The following CNTN4 variants were observed in gnomAD, a reference collection of about 807,000 sequenced individuals.
The protein encoded by CNTN4 is contactin 4.
In CNTN4, 77 loss-of-function variants were observed where a neutral mutation model predicts 122.5. The ratio of observed to expected loss-of-function variants is 0.63; its 90% CI spans 0.52 to 0.76. The LOEUF (loss-of-function observed/expected upper bound fraction) is 0.76. Among genes scored for constraint, CNTN4 ranks in the 30% least tolerant of loss-of-function variants. The probability of loss-of-function intolerance (pLI) is 0.00; values close to 1 mark genes in which losing one functional copy is unlikely to be tolerated. For synonymous variants in CNTN4, 512 were observed against 447.0 expected, an observed-to-expected ratio of 1.15 and a Z score of -1.83; for missense variants, 1,256 against 1,259.1, an observed-to-expected ratio of 1.00 and a Z score of 0.04.
intron 4 of CNTN4, among the ~76,000 whole-genome samples, chr3:2,602,006 A>C (rs1222859183): frequency 6.6e-6 from 1 of 152,220 alleles, no homozygotes; most frequent in Non-Finnish European, 1.5e-5. Context: ...TGATTATCTC[A>C]GTAGATGCAG....
At chr3:2,840,677 C>T (rs559926108) in intron 7 of CNTN4, among the ~76,000 whole-genome samples, 22 of 148,484 alleles carry the variant, frequency 1.5e-4, no homozygotes, top group South Asian at 4.4e-4. Context: ...CCAGCCTGGG[C>T]GACAGAGCGA....
At chr3:2,508,371 T>A (rs1211641751) in intron 3 of CNTN4, among the ~76,000 whole-genome samples, 1 of 152,194 alleles carries the variant, frequency 6.6e-6, no homozygotes, top group Non-Finnish European at 1.5e-5. Flanking sequence ...AGGAAAACAC[T>A]TTCAAGAAGA....
At chr3:2,164,411 CTAA>C (rs201994342) in intron 2 of CNTN4, among the ~76,000 whole-genome samples, 5 of 152,062 alleles carry the variant, frequency 3.3e-5, no homozygotes, top group East Asian at 3.9e-4. Flanking sequence ...CATCTCATAA[CTAA>C]TAATAGGAAT....
chr3:2,479,049 A>G (rs2075911290), intron 3 of CNTN4, among the ~76,000 whole-genome samples: 1 of 152,154 alleles, frequency 6.6e-6, no homozygotes, highest in African/African-American at 2.4e-5. Flanking sequence ...TTTTCCCAGC[A>G]GGACTTTCAT....
intron 3 of CNTN4, among the ~76,000 whole-genome samples, chr3:2,466,815 T>A (rs991415362): frequency 6.6e-6 from 1 of 152,168 alleles, no homozygotes; most frequent in African/African-American, 2.4e-5. Flanking sequence ...TAATGGTAAT[T>A]TTTTAATAAC....
intron 7 of CNTN4, among the ~76,000 whole-genome samples, chr3:2,860,398 TAAA>T (rs2093659560): frequency 1.3e-5 from 2 of 152,224 alleles, no homozygotes; most frequent in African/African-American, 4.8e-5. Flanking sequence ...TCAGCACTAA[TAAA>T]AAATGAAAGC....
At chr3:2,692,942 ATTTTC>A (rs1337387888) in intron 4 of CNTN4, among the ~76,000 whole-genome samples, 1 of 152,086 alleles carries the variant, frequency 6.6e-6, no homozygotes, top group Non-Finnish European at 1.5e-5. Flanking sequence ...TTTTTCTATT[ATTTTC>A]TTAGGAAAAT....
At chr3:2,590,166 C>A (rs922653425) in intron 4 of CNTN4, among the ~76,000 whole-genome samples, 1 of 152,210 alleles carries the variant, frequency 6.6e-6, no homozygotes, top group Non-Finnish European at 1.5e-5. Flanking sequence ...CTTCACTGCT[C>A]TTCCACTCTT....
chr3:2,543,913 A>T (rs952558111), intron 3 of CNTN4, among the ~76,000 whole-genome samples: 3 of 152,094 alleles, frequency 2.0e-5, no homozygotes, highest in Non-Finnish European at 4.4e-5. Flanking sequence ...TTCAATCAAG[A>T]GCTATCTTGG....
chr3:2,516,057 G>C (rs2077031176), intron 3 of CNTN4, among the ~76,000 whole-genome samples: 1 of 151,930 alleles, frequency 6.6e-6, no homozygotes, highest in Non-Finnish European at 1.5e-5. Context: ...TTAAATGTTA[G>C]TTGAAATACT....
chr3:2,293,467 T>A (rs982073310), intron 2 of CNTN4, among the ~76,000 whole-genome samples: 1 of 152,220 alleles, frequency 6.6e-6, no homozygotes, highest in Admixed American at 6.5e-5. Context: ...AAATCCTGGC[T>A]TTACCACTTA....
At chr3:2,989,740 T>C (rs191476816) in intron 14 of CNTN4, among the ~76,000 whole-genome samples, 2 of 152,274 alleles carry the variant, frequency 1.3e-5, no homozygotes, top group Admixed American at 1.3e-4. Context: ...CTCTGTTTCA[T>C]AGGCAAAGGA....
rs540203750 is a variant in CNTN4 at position 2,368,560 on chromosome 3, A to G, written c.-89+29327A>G. Among the ~76,000 whole-genome samples the G allele has an allele frequency of 5.1e-4, 77 of 152,254 alleles. 2 individuals are homozygous for G. Among genetic ancestry groups the G allele is most frequent in the Middle Eastern group, 3.4e-3 (1 of 294 alleles). Reference sequence around the variant, plus strand: ...GTTAATAGACTACTAATTCCAAAGCATTTCTAAATCAGATTGAGTCTATTC... The same window carrying G: ...GTTAATAGACTACTAATTCCAAAGCGTTTCTAAATCAGATTGAGTCTATTC... On this transcript the variant is annotated intron_variant, in intron 3 of 24. Transcript: ENST00000418658.
chr3:2,222,887 C>T (rs1381891680), intron 2 of CNTN4, among the ~76,000 whole-genome samples: 1 of 152,188 alleles, frequency 6.6e-6, no homozygotes, highest in Admixed American at 6.5e-5. Context: ...TGTTTGTCCA[C>T]ATTGTTTATT....
intron 3 of CNTN4, among the ~76,000 whole-genome samples, chr3:2,561,681 T>A (rs944606196): frequency 6.6e-6 from 1 of 152,176 alleles, no homozygotes. Context: ...ACTGTCACTT[T>A]ATGAAAGAGG....
intron 23 of CNTN4, among the ~76,000 whole-genome samples, chr3:3,046,010 CT>C (rs1427872344): frequency 6.6e-6 from 1 of 152,114 alleles, no homozygotes; most frequent in Non-Finnish European, 1.5e-5. Flanking sequence ...ATTCGATCAG[CT>C]GGAAGAAAGG....
chr3:2,530,638 G>A (rs988129039), intron 3 of CNTN4, among the ~76,000 whole-genome samples: 3 of 151,734 alleles, frequency 2.0e-5, no homozygotes, highest in African/African-American at 7.3e-5. Context: ...ACGTTGATTG[G>A]GACTATGGCC....
At chr3:2,753,930 T>C (rs1301073007) in intron 6 of CNTN4, among the ~76,000 whole-genome samples, 1 of 152,242 alleles carries the variant, frequency 6.6e-6, no homozygotes, top group Non-Finnish European at 1.5e-5. Context: ...GGTTTTATAA[T>C]GAGAATAATT....
In CNTN4 at chr3:2,287,758, AAGAAGAAGAAGAAGAAGAAGG is replaced by A. The variant is rs1407788517; in HGVS notation, c.-144-51410_-144-51390del. ...GAAGAAGAAGAAGAAGAAGAAGAAG[AAGAAGAAGAAGAAGAAGAAGG>A]AGAAGAAGAGGAGGAAGGGGAAGGT... is the stretch of plus-strand genomic sequence containing the variant. On this transcript the variant is annotated intron_variant, in intron 2 of 24. Coordinates refer to ENST00000418658, the MANE Select transcript of CNTN4 (RefSeq NM_175607.3). 2.2e-4 allele frequency among the ~76,000 whole-genome samples: 32 copies of A among 143,408 alleles called. 1 individual carries two copies. The highest frequency in any genetic ancestry group is 8.2e-4 in the African/African-American group (30 of 36,486). 94.1% of individuals were successfully genotyped at this position (143,408 alleles called of 152,430 possible).
Sources: gnomAD v4.1 joint callset for allele counts (sites outside exome capture counted in the v4.1 genomes callset) on GRCh38, gnomAD v4.1.1 for gene constraint, MANE v1.5 for transcripts, NCBI Gene and HGNC (gene_info 2026-07-23, HGNC 2026-07-21) for gene names.